The following FMN1 variants were observed in gnomAD, a reference collection of about 807,000 sequenced individuals.
FMN1 encodes formin-1.
Under a neutral mutation model 132.4 loss-of-function variants are expected in FMN1, and 110 were observed. The ratio of observed to expected loss-of-function variants is 0.83; its 90% CI spans 0.71 to 0.97. The LOEUF (loss-of-function observed/expected upper bound fraction) is 0.97. FMN1 is among the 50% of genes least tolerant of loss of function. FMN1 has a pLI of 0.00. For synonymous variants in FMN1, 722 were observed against 651.7 expected (o/e 1.11, Z -1.64); for missense variants, 1,792 against 1,705.3 (o/e 1.05, Z -0.90).
chr15:32,890,078 C>T (rs766389408), intron 15 of FMN1, among the ~76,000 whole-genome samples: 9 of 152,142 alleles, frequency 5.9e-5, no homozygotes, highest in East Asian at 1.9e-4. Flanking sequence ...CAATCTCATC[C>T]GGGTCGCCGA....
At position 33,048,644 on chromosome 15, in the gene FMN1, A is replaced by AAACAAAAAAAAAAACAAAAAC. The variant is rs1555388954; in HGVS notation, c.2161+16312_2161+16313insGTTTTTGTTTTTTTTTTTGTT. On this transcript the variant is annotated intron_variant, in intron 6 of 20. Transcript: ENST00000616417. ...TGGGCAATTTACCAAAAAAAAAAAA[A>AAACAAAAAAAAAAACAAAAAC]AAAAACCAACAGTTTAATGGACTTA... 6.6e-3 allele frequency among the ~76,000 whole-genome samples: 574 copies of AAACAAAAAAAAAAACAAAAAC among 86,930 alleles called. 59 individuals carry two copies. Among genetic ancestry groups the AAACAAAAAAAAAAACAAAAAC allele is most frequent in the African/African-American group, 0.017 (423 of 24,340 alleles). 57.0% of individuals were successfully genotyped at this position (86,930 alleles called of 152,430 possible).
chr15:32,956,089 G>A (rs1212791223), intron 9 of FMN1, among the ~76,000 whole-genome samples: 5 of 152,186 alleles, frequency 3.3e-5, no homozygotes, highest in African/African-American at 1.2e-4. Flanking sequence ...TAAAGAGAGA[G>A]CTGGGGGCAG....
chr15:33,012,341 A>G, intron 6 of FMN1: 1 of 846,738 alleles, frequency 1.2e-6, no homozygotes, highest in South Asian at 1.3e-5. Context: ...CATGAATGCA[A>G]GGCCACACAA....
chr15:32,861,549 A>G (rs1400020379), intron 16 of FMN1, among the ~76,000 whole-genome samples: 1 of 152,228 alleles, frequency 6.6e-6, no homozygotes, highest in East Asian at 1.9e-4. Context: ...AAGATAATAC[A>G]TACATAGTGA....
chr15:32,987,503 C>T (rs979695105), intron 7 of FMN1, among the ~76,000 whole-genome samples: 1 of 152,138 alleles, frequency 6.6e-6, no homozygotes, highest in Admixed American at 6.6e-5. Context: ...TTTCTGACTG[C>T]CTGTCCTTGA....
intron 6 of FMN1, among the ~76,000 whole-genome samples, chr15:33,013,700 G>A (rs1467370136): frequency 6.6e-6 from 1 of 152,164 alleles, no homozygotes; most frequent in Non-Finnish European, 1.5e-5. Context: ...GAAGCAGAAA[G>A]TGACTTAGTA....
chr15:33,030,470 A>G (rs915987367), intron 6 of FMN1, among the ~76,000 whole-genome samples: 17 of 152,224 alleles, frequency 1.1e-4, no homozygotes, highest in African/African-American at 4.1e-4. Context: ...TTGTGTTAAG[A>G]GCTCTCACAA....
intron 7 of FMN1, among the ~76,000 whole-genome samples, chr15:32,982,584 G>A (rs1454579566): frequency 6.6e-6 from 1 of 152,106 alleles, no homozygotes; most frequent in African/African-American, 2.4e-5. Context: ...TGTCTGTGAA[G>A]GTGTTTTGGA....
chr15:32,833,833 G>T (rs572283032), intron 17 of FMN1, among the ~76,000 whole-genome samples: 3 of 152,202 alleles, frequency 2.0e-5, no homozygotes, highest in African/African-American at 7.2e-5. Flanking sequence ...TCAACTTCTG[G>T]AATCAATAGG....
intron 6 of FMN1, chr15:33,012,893 A>G: frequency 1.4e-5 from 8 of 572,336 alleles, no homozygotes; most frequent in South Asian, 1.1e-4. Flanking sequence ...GGTGGAAGCT[A>G]CAATGATTTT....
chr15:32,781,429 T>C (rs995486113), intron 19 of FMN1, among the ~76,000 whole-genome samples: 31 of 152,216 alleles, frequency 2.0e-4, no homozygotes, highest in African/African-American at 7.2e-4. Flanking sequence ...TTCAACATTC[T>C]TACTTGTGCA....
chr15:33,145,427 T>G (rs185706026), intron 4 of FMN1, among the ~76,000 whole-genome samples: 3 of 151,966 alleles, frequency 2.0e-5, no homozygotes, highest in Non-Finnish European at 2.9e-5. Context: ...CATCCTGTTA[T>G]GCAGAATTTG....
chr15:33,185,211 G>A (rs61123978), intron 2 of FMN1, among the ~76,000 whole-genome samples: 9 of 152,170 alleles, frequency 5.9e-5, no homozygotes, highest in Admixed American at 2.0e-4. Context: ...TTGCATAGTC[G>A]TAATGTTTTG....
At chr15:32,850,233 C>CTGTAACCTTAGTGGTTGAATAT (rs2058978185) in intron 17 of FMN1, among the ~76,000 whole-genome samples, 1 of 151,678 alleles carries the variant, frequency 6.6e-6, no homozygotes, top group Non-Finnish European at 1.5e-5. Context: ...TTCCTGATCT[C>CTGTAACCTTAGTGGTTGAATAT]TGTAACCTTA....
At chr15:32,968,503 T>C (rs950848442) in intron 8 of FMN1, among the ~76,000 whole-genome samples, 1 of 152,054 alleles carries the variant, frequency 6.6e-6, no homozygotes, top group African/African-American at 2.4e-5. Context: ...AAACACATGG[T>C]TTCTCCCAGC....
intron 19 of FMN1, among the ~76,000 whole-genome samples, chr15:32,783,386 C>T (rs1484519532): frequency 6.6e-6 from 1 of 152,106 alleles, no homozygotes. Context: ...AGGAAAGACA[C>T]AAGTGTAAGA....
intron 6 of FMN1, among the ~76,000 whole-genome samples, chr15:33,020,350 C>T (rs1306411062): frequency 7.1e-6 from 1 of 141,422 alleles, no homozygotes; most frequent in East Asian, 2.5e-4. Context: ...CAGATTCGGT[C>T]ACTATAAGAC....
At chr15:33,190,900 G>A (rs1179931068) in intron 2 of FMN1, among the ~76,000 whole-genome samples, 5 of 152,134 alleles carry the variant, frequency 3.3e-5, no homozygotes, top group African/African-American at 4.8e-5. Context: ...GCCGGACGTG[G>A]TAACTCACGC....
chr15:32,972,275 C>T (rs900138040), intron 7 of FMN1, among the ~76,000 whole-genome samples: 1 of 152,312 alleles, frequency 6.6e-6, no homozygotes, highest in South Asian at 2.1e-4. Flanking sequence ...TGTCTACATG[C>T]TCTATGCTTC....
Sources: gnomAD v4.1 joint callset for allele counts (sites outside exome capture counted in the v4.1 genomes callset) on GRCh38, gnomAD v4.1.1 for gene constraint, MANE v1.5 for transcripts, NCBI Gene and HGNC (gene_info 2026-07-23, HGNC 2026-07-21) for gene names.